RASIP1: variants seen among roughly 807,000 people sequenced by gnomAD.
RASIP1 encodes ras-interacting protein 1.
RASIP1 carries 20 observed loss-of-function variants against 85.3 expected under a neutral mutation model. The observed-to-expected ratio is 0.23, with a 90% confidence interval of 0.17 to 0.34. The LOEUF (loss-of-function observed/expected upper bound fraction) is 0.34, where lower values mean the gene tolerates loss of function less well. Ranked by LOEUF, RASIP1 falls within the 10% of genes least tolerant of loss-of-function variation. The probability of loss-of-function intolerance (pLI) is 1.00; values close to 1 mark genes in which losing one functional copy is unlikely to be tolerated. For synonymous variants in RASIP1, 617 were observed against 647.1 expected (o/e 0.95, Z 0.71); for missense variants, 1,170 against 1,390.9 (o/e 0.84, Z 2.53).
chr19:48,732,104 G>A (rs188993858), intron 4 of RASIP1, among the ~76,000 whole-genome samples: 18 of 140,980 alleles, frequency 1.3e-4, no homozygotes, highest in African/African-American at 4.0e-4. Flanking sequence ...CTCTCACTCT[G>A]TCATCAGACT....
chr19:48,737,672 G>A (rs1413431432), intron 3 of RASIP1: 2 of 985,082 alleles, frequency 2.0e-6, no homozygotes, highest in African/African-American at 3.5e-5. Flanking sequence ...ACCCACATAG[G>A]CCCTGCTCAG....
rs372874025 is a variant in RASIP1, at chr19:48,737,419, G to C, written c.823+1541C>G. On this transcript the variant is annotated intron_variant, in intron 3 of 11. Coordinates refer to ENST00000222145, the MANE Select transcript of RASIP1 (RefSeq NM_017805.3). ...GCCAGGCCCCACCCCTGCCAGGCGC[G>C]GTCCACCACCAGCTGTTTGACCATT... 12 of 978,934 alleles carry C rather than the reference G, an allele frequency of 1.2e-5. No homozygotes were observed. The East Asian group carries it at 4.6e-4, about 37-fold the overall frequency. The allele number at this position is 978,934 out of a possible 1,614,324, so 60.6% of individuals were successfully genotyped here. A position where few individuals can be genotyped will look rare whatever the true frequency, so the allele number is the denominator to read the frequency against.
At position 48,727,422 on chromosome 19, in the gene RASIP1, A is replaced by C. The variant is rs2033360746; in HGVS notation, c.1842T>G (p.Ile614Met). ...CTGGCTGACGGTCTCCAATTTCCTT[A>C]ATCTTTTCCTGTGGAACAGTAAGAT... is the stretch of plus-strand genomic sequence containing the variant. ...RLIKEAVWEKIKEIGDRQPEN... is the reference protein window; with the variant it reads ...RLIKEAVWEKMKEIGDRQPEN... Residue 614 changes from isoleucine to methionine, a missense_variant, in exon 6 of 12, where the codon ATT becomes ATG. Transcript: ENST00000222145. 2.5e-6 allele frequency: 4 copies of C among 1,613,888 alleles called. No homozygotes were observed. Among genetic ancestry groups the C allele is most frequent in the Non-Finnish European group, 3.4e-6 (4 of 1,179,784 alleles).
chr19:48,729,709 C>CTTTTTTTTTTTT lies in RASIP1; in HGVS notation c.1180-131_1180-120dup, dbSNP rs35424254. 3 of 381,376 alleles carry CTTTTTTTTTTTT rather than the reference C, an allele frequency of 7.9e-6. No homozygotes were observed. The African/African-American group carries it at 1.1e-4, about 14-fold the overall frequency. The allele number at this position is 381,376 out of a possible 1,614,324, so 23.6% of individuals were successfully genotyped here. A position where few individuals can be genotyped will look rare whatever the true frequency, so the allele number is the denominator to read the frequency against. On this transcript the variant is annotated intron_variant, in intron 4 of 11. Coordinates refer to ENST00000222145, the MANE Select transcript of RASIP1 (RefSeq NM_017805.3). ...ACCAACTTTTTTTTTCCTTCTTCTT[C>CTTTTTTTTTTTT]TTTTTTTTTTTTTTTTTTTTTTTGA...
chr19:48,739,093 G>A lies in RASIP1; in HGVS notation c.690C>T (p.Gly230=), dbSNP rs753646799. Reference sequence around the variant, plus strand: ...GCACCAGCAGCGGGCGCTCGGAGTCGCCCAGCACGCGCAGGTGCTCCGCCC... The same window carrying A: ...GCACCAGCAGCGGGCGCTCGGAGTCACCCAGCACGCGCAGGTGCTCCGCCC... ...EWRAEHLRVL[G]DSERPLLVQE... is the part of the protein sequence containing the mutation. Residue 230 remains glycine, a synonymous_variant, in exon 3 of 12, where the codon GGC becomes GGT. Transcript: ENST00000222145. This position sits in a 1 kb window ranked among gnomAD's most constrained non-coding sequence, Gnocchi z 9.2. 841 of 1,311,220 alleles carry A rather than the reference G, an allele frequency of 6.4e-4. No homozygotes were observed. Among genetic ancestry groups the A allele is most frequent in the Non-Finnish European group, 7.5e-4 (778 of 1,034,992 alleles). 81.2% of individuals were successfully genotyped at this position (1,311,220 alleles called of 1,614,324 possible).
Position 48,729,123 on chromosome 19 carries a change from C to G in RASIP1, c.1647G>C (p.Pro549=). The G allele has an allele frequency of 7.3e-7, 1 of 1,362,028 alleles. No homozygotes were observed. The highest frequency in any genetic ancestry group is 9.4e-7 in the Non-Finnish European group (1 of 1,061,208). 84.4% of individuals were successfully genotyped at this position (1,362,028 alleles called of 1,614,324 possible). A position where few individuals can be genotyped will look rare whatever the true frequency, so the allele number is the denominator to read the frequency against. ...DGREPVLRFR[P]REEEALLGEI... is the part of the protein sequence containing the mutation. ...CGCCCAGCAGCGCCTCCTCCTCGCG[C>G]GGCCGGAAGCGCAGGACTGGCTCAC... is the stretch of plus-strand genomic sequence containing the variant. The change falls in exon 5 of 12, where the codon CCG becomes CCC. Residue 549 remains proline (P), a synonymous_variant. Coordinates refer to ENST00000222145, the MANE Select transcript of RASIP1 (RefSeq NM_017805.3).
rs1363270793 is a variant in RASIP1, at chr19:48,739,925, C to T, written c.137+221G>A. ...ATCAATCCCCCTGCTCCTTCTGTCC[C>T]CGTCCCCGTGCCCATCCGGCCTCAC... is the stretch of plus-strand genomic sequence containing the variant. On this transcript the variant is annotated intron_variant, in intron 2 of 11. Transcript: ENST00000222145. This position sits in a 1 kb window ranked among gnomAD's most constrained non-coding sequence, Gnocchi z 9.2. Among the ~76,000 whole-genome samples, 1 of 152,138 alleles carries T rather than the reference C, an allele frequency of 6.6e-6. No individual in the cohort carries two copies. The highest frequency in any genetic ancestry group is 1.5e-5 in the Non-Finnish European group (1 of 68,018).
chr19:48,733,668 A>G (rs1487670857), intron 4 of RASIP1, among the ~76,000 whole-genome samples: 1 of 152,158 alleles, frequency 6.6e-6, no homozygotes, highest in East Asian at 1.9e-4. Context: ...TTAGCTGGGC[A>G]TCATGGCAGG....
At chr19:48,728,339 C>G (rs1043818678) in intron 5 of RASIP1, among the ~76,000 whole-genome samples, 3 of 152,198 alleles carry the variant, frequency 2.0e-5, no homozygotes, top group Non-Finnish European at 4.4e-5. Flanking sequence ...ATCTCTCCCC[C>G]ACCATCTCCC....
intron 11 of RASIP1, among the ~76,000 whole-genome samples, chr19:48,721,317 G>A (rs1048013414): frequency 7.9e-5 from 12 of 152,126 alleles, no homozygotes; most frequent in African/African-American, 2.9e-4. Context: ...GGACTCCTAG[G>A]GGTGGTGGGT....
Position 48,738,925 on chromosome 19 carries a change from C to A in RASIP1, c.823+35G>T, listed in dbSNP as rs2033620997. ...CCCACGGACCCCGCCTCTCTGGCAC[C>A]GAGTCCCCGCCCCAGAGCCCCGCCC... On this transcript the variant is annotated intron_variant, in intron 3 of 11. Coordinates refer to ENST00000222145, the MANE Select transcript of RASIP1 (RefSeq NM_017805.3). The surrounding 1 kb of genome is among the most constrained non-coding windows in gnomAD (Gnocchi z 4.0). 2.5e-6 allele frequency: 3 copies of A among 1,203,162 alleles called. No homozygotes were observed. Among genetic ancestry groups the A allele is most frequent in the Non-Finnish European group, 2.1e-6 (2 of 969,602 alleles). 74.5% of individuals were successfully genotyped at this position (1,203,162 alleles called of 1,614,324 possible).
Position 48,721,957 on chromosome 19 carries a change from G to A in RASIP1, c.2589C>T (p.Pro863=), listed in dbSNP as rs1330290573. The change falls in exon 11 of 12, where the codon CCC becomes CCT. Residue 863 remains proline (P), a synonymous_variant. Transcript: ENST00000222145. Reference sequence around the variant, plus strand: ...GGCTGAGCAGATGGTGCAGCTGGGCGGGGGTCAAGGTGGGGTGGTCGGTTC... The same window carrying A: ...GGCTGAGCAGATGGTGCAGCTGGGCAGGGGTCAAGGTGGGGTGGTCGGTTC... ...SLRTDHPTLT[P]AQLHHLLSHY... The A allele has an allele frequency of 3.9e-6, 6 of 1,545,276 alleles. No individual in the cohort carries two copies. The highest frequency in any genetic ancestry group is 1.4e-5 in the African/African-American group (1 of 71,960).
Position 48,740,185 on chromosome 19 carries a change from G to C in RASIP1, c.98C>G (p.Ala33Gly). The C allele has an allele frequency of 6.3e-7, 1 of 1,594,860 alleles. No individual in the cohort carries two copies. Among genetic ancestry groups the C allele is most frequent in the Non-Finnish European group, 8.5e-7 (1 of 1,173,552 alleles). ...GCTGGGCCAGCGCCGCCCCAGCTTC[G>C]CCAGCTGCTTCCTGGGGGAATTGAT... The part of the protein sequence containing the change: ...LWINSPRKQL[A>G]KLGRRWPSAA... Residue 33 changes from alanine to glycine, a missense_variant, in exon 2 of 12, where the codon GCG (alanine) becomes GGG (glycine). Ala to Gly is a moderately conservative substitution (Grantham distance 60). Around this residue, in one of 4 missense-constraint regions of RASIP1, gnomAD observed 299 missense variants for 394.4 expected, o/e 0.76. Coordinates refer to ENST00000222145, the MANE Select transcript of RASIP1 (RefSeq NM_017805.3). The surrounding 1 kb of genome is among the most constrained non-coding windows in gnomAD (Gnocchi z 5.5).
intron 3 of RASIP1, among the ~76,000 whole-genome samples, chr19:48,736,479 CAG>C (rs2033575322): frequency 6.6e-6 from 1 of 152,156 alleles, no homozygotes; most frequent in South Asian, 2.1e-4. Context: ...CACTGGATAA[CAG>C]AGAAGACCCT....
intron 4 of RASIP1, among the ~76,000 whole-genome samples, chr19:48,734,847 T>C (rs1311065328): frequency 6.6e-6 from 1 of 152,168 alleles, no homozygotes; most frequent in Non-Finnish European, 1.5e-5. Flanking sequence ...ACTTTTGGCC[T>C]CAAGCAATTC....
Position 48,724,981 on chromosome 19 carries a change from A to G in RASIP1, c.2128-21T>C. 1 of 1,605,354 alleles carries G rather than the reference A, an allele frequency of 6.2e-7. No individual in the cohort carries two copies. The highest frequency in any genetic ancestry group is 8.5e-7 in the Non-Finnish European group (1 of 1,172,996). ...AGAGTCTGAGAAAATAGAGAAGTGGAAACAAGTGATTGGACTACAACTCCC... is the reference window on the plus strand; with the variant it reads ...AGAGTCTGAGAAAATAGAGAAGTGGGAACAAGTGATTGGACTACAACTCCC... On this transcript the variant is annotated intron_variant, in intron 8 of 11. Transcript: ENST00000222145. This position sits in a 1 kb window ranked among gnomAD's most constrained non-coding sequence, Gnocchi z 4.6.
At chr19:48,735,070 A>C in intron 4 of RASIP1, 126 bp downstream of exon 4, 1 of 847,906 alleles carries the variant, frequency 1.2e-6, no homozygotes, top group South Asian at 1.8e-5. Context: ...ACCTTGAGGG[A>C]CCACGCCCCA....
rs2033311902 is a variant in RASIP1, at chr19:48,724,729, G to C, written c.2359C>G (p.Leu787Val). 21 of 1,614,144 alleles carry C rather than the reference G, an allele frequency of 1.3e-5. No homozygotes were observed. Among genetic ancestry groups the C allele is most frequent in the Non-Finnish European group, 1.7e-5 (20 of 1,180,022 alleles). ...FFSNASLLNSLMERGQGRPFY... is the reference protein window; with the variant it reads ...FFSNASLLNSVMERGQGRPFY... ...AGCCAACCTTCACCTCGTTCCATCA[G>C]CGAGTTGAGAAGGGATGCGTTGGAG... The change falls in exon 9 of 12, where the codon CTG becomes GTG. Residue 787 changes from leucine to valine, a missense_variant. This residue lies in a region of RASIP1 where 426 missense variants were observed against 576.2 expected (regional missense o/e 0.74). Coordinates refer to ENST00000222145, the MANE Select transcript of RASIP1 (RefSeq NM_017805.3). This position sits in a 1 kb window ranked among gnomAD's most constrained non-coding sequence, Gnocchi z 4.6.
rs560340701 is a variant in RASIP1 at position 48,729,060 on chromosome 19, C to G, written c.1710G>C (p.Leu570=). The change falls in exon 5 of 12, where the codon CTG becomes CTC. Residue 570 remains leucine, a synonymous_variant. Coordinates refer to ENST00000222145, the MANE Select transcript of RASIP1 (RefSeq NM_017805.3). The part of the protein sequence containing the change: ...VRAAAAGSGD[L]PPLGPATLLA... ...GCAGCGTGGCGGGCCCGAGGGGCGG[C>G]AGGTCTCCCGAGCCGGCGGCTGCGG... 2.2e-4 allele frequency: 303 copies of G among 1,391,864 alleles called. No individual in the cohort carries two copies. Among genetic ancestry groups the G allele is most frequent in the Non-Finnish European group, 2.7e-4 (294 of 1,082,906 alleles). The allele number at this position is 1,391,864 out of a possible 1,614,324, so 86.2% of individuals were successfully genotyped here.
Sources: gnomAD v4.1 joint callset for allele counts (sites outside exome capture counted in the v4.1 genomes callset) on GRCh38, gnomAD v4.1.1 for gene constraint, gnomAD v4.1.1 regional missense constraint, Gnocchi (gnomAD v3.1) non-coding constraint, MANE v1.5 for transcripts, NCBI Gene and HGNC (gene_info 2026-07-23, HGNC 2026-07-21) for gene names.